The following AKAP19 variants were observed in gnomAD, a reference collection of about 807,000 sequenced individuals.
AKAP19 encodes A-kinase anchoring protein 19.
chr2:190,032,629 C>T, the AKAP19 span, among the ~76,000 whole-genome samples: 1 of 152,040 alleles, frequency 6.6e-6, no homozygotes, highest in Non-Finnish European at 1.5e-5. Flanking sequence ...GTGTTCGGTC[C>T]TGTTCCTCTC....
At chr2:189,880,323 C>A in the AKAP19 span, among the ~76,000 whole-genome samples, 2 of 152,036 alleles carry the variant, frequency 1.3e-5, no homozygotes, top group African/African-American at 4.8e-5. Context: ...ACACTGAAAA[C>A]CAAAAATAGA....
the AKAP19 span, among the ~76,000 whole-genome samples, chr2:189,953,613 G>A: frequency 8.2e-6 from 1 of 122,264 alleles, no homozygotes; most frequent in Admixed American, 9.3e-5. Flanking sequence ...CAGCCTGGGT[G>A]ACAAGAGTGA....
At chr2:189,939,829 C>T in the AKAP19 span, among the ~76,000 whole-genome samples, 1 of 152,128 alleles carries the variant, frequency 6.6e-6, no homozygotes, top group East Asian at 1.9e-4. Flanking sequence ...AAAGGATCAG[C>T]AAGCTGTAAA....
the AKAP19 span, among the ~76,000 whole-genome samples, chr2:189,902,313 CTTTG>C: frequency 6.6e-6 from 1 of 151,592 alleles, no homozygotes; most frequent in Non-Finnish European, 1.5e-5. Flanking sequence ...ATAGTCTCTT[CTTTG>C]TTTTTTTGTT....
At chr2:189,956,177 C>CTTTCTTTTT in the AKAP19 span, among the ~76,000 whole-genome samples, 3 of 122,952 alleles carry the variant, frequency 2.4e-5, no homozygotes, top group African/African-American at 9.4e-5. Context: ...TCTTTTTTTT[C>CTTTCTTTTT]TTTTTTTTTT....
chr2:190,024,082 T>C, the AKAP19 span, among the ~76,000 whole-genome samples: 1 of 151,886 alleles, frequency 6.6e-6, no homozygotes, highest in Admixed American at 6.6e-5. Context: ...AATGTATTTA[T>C]GTTATGCAAA....
At chr2:190,049,526 A>C in the AKAP19 span, among the ~76,000 whole-genome samples, 1 of 152,248 alleles carries the variant, frequency 6.6e-6, no homozygotes, top group Non-Finnish European at 1.5e-5. Context: ...TCACGAACCC[A>C]CATGCAGTGT....
At chr2:190,184,434 T>C in the AKAP19 span, among the ~76,000 whole-genome samples, 2 of 152,204 alleles carry the variant, frequency 1.3e-5, no homozygotes, top group Non-Finnish European at 2.9e-5. Context: ...TATAGGCACA[T>C]GGATAGTTGA....
the AKAP19 span, among the ~76,000 whole-genome samples, chr2:189,990,028 A>G: frequency 6.6e-6 from 1 of 152,210 alleles, no homozygotes; most frequent in Admixed American, 6.5e-5. Context: ...CCTAAAATTT[A>G]CATAGAAATC....
At chr2:189,940,751 C>A in the AKAP19 span, among the ~76,000 whole-genome samples, 1 of 151,798 alleles carries the variant, frequency 6.6e-6, no homozygotes, top group East Asian at 1.9e-4. Context: ...ATTAGCCAGG[C>A]GTGGTGGCGG....
At chr2:190,173,615 A>C in the AKAP19 span, among the ~76,000 whole-genome samples, 1 of 152,232 alleles carries the variant, frequency 6.6e-6, no homozygotes, top group South Asian at 2.1e-4. Context: ...TCCCAGATAG[A>C]TCATCTGACT....
At chr2:190,035,174 C>A in the AKAP19 span, among the ~76,000 whole-genome samples, 1 of 152,128 alleles carries the variant, frequency 6.6e-6, no homozygotes, top group African/African-American at 2.4e-5. Context: ...GGCACAGTGG[C>A]TCACACTTGT....
the AKAP19 span, among the ~76,000 whole-genome samples, chr2:190,169,503 C>T: frequency 1.3e-5 from 2 of 152,166 alleles, no homozygotes; most frequent in African/African-American, 4.8e-5. Flanking sequence ...AACAGAGTAA[C>T]TAACACTTGC....
At chr2:189,908,746 A>G in the AKAP19 span, among the ~76,000 whole-genome samples, 4 of 152,084 alleles carry the variant, frequency 2.6e-5, no homozygotes, top group African/African-American at 9.7e-5. Context: ...ATTTCCTTCA[A>G]TTTGATAAAA....
chr2:189,967,363 G>T, the AKAP19 span, among the ~76,000 whole-genome samples: 3 of 152,248 alleles, frequency 2.0e-5, no homozygotes, highest in Admixed American at 2.0e-4. Context: ...CCCTGAACTT[G>T]TACACCTAGA....
At chr2:190,111,930 C>G in the AKAP19 span, among the ~76,000 whole-genome samples, 1 of 152,000 alleles carries the variant, frequency 6.6e-6, no homozygotes, top group Non-Finnish European at 1.5e-5. Context: ...TGGAGTCTCG[C>G]TCTGTCGCCC....
chr2:190,038,878 CTCTT>C, the AKAP19 span, among the ~76,000 whole-genome samples: 4,751 of 80,044 alleles, frequency 0.059, 894 homozygotes, highest in South Asian at 0.11. Context: ...AGAGTCCTCC[CTCTT>C]TCTTTCTTTC....
At chr2:190,185,444 G>A in the AKAP19 span, among the ~76,000 whole-genome samples, 1 of 152,192 alleles carries the variant, frequency 6.6e-6, no homozygotes, top group East Asian at 1.9e-4. Context: ...GATAAAGCGG[G>A]AAGAGGTTCT....
the AKAP19 span, among the ~76,000 whole-genome samples, chr2:190,069,084 G>T: frequency 3.3e-5 from 5 of 150,776 alleles, no homozygotes; most frequent in South Asian, 8.4e-4. Context: ...AGTCTCAAAG[G>T]TAGCCAGAGG....
Sources: gnomAD v4.1 joint callset for allele counts (sites outside exome capture counted in the v4.1 genomes callset) on GRCh38, gnomAD v4.1.1 for gene constraint, MANE v1.5 for transcripts, NCBI Gene and HGNC (gene_info 2026-07-23, HGNC 2026-07-21) for gene names.